XPR1: variants seen among roughly 807,000 people sequenced by gnomAD.
The protein encoded by XPR1 is solute carrier family 53 member 1.
XPR1 carries 28 observed loss-of-function variants against 87.5 expected under a neutral mutation model. That is an observed-to-expected ratio of 0.32 (90% CI 0.24 to 0.44). XPR1 has a LOEUF of 0.44. Among genes scored for constraint, XPR1 ranks in the 20% least tolerant of loss-of-function variants. The pLI, the probability that XPR1 is intolerant of heterozygous loss-of-function variation, is 1.00. For missense variants in XPR1, 559 were observed against 862.3 expected (o/e 0.65, Z 4.41); for synonymous variants, 300 against 306.1 (o/e 0.98, Z 0.21).
intron 12 of XPR1, among the ~76,000 whole-genome samples, chr1:180,866,530 C>T (rs1019544692): frequency 7.0e-5 from 9 of 127,904 alleles, no homozygotes; most frequent in Admixed American, 1.5e-4. Context: ...ACACCAGTTT[C>T]CACATTGGTC....
chr1:180,859,971 G>T (rs916641567), intron 11 of XPR1, among the ~76,000 whole-genome samples: 5 of 151,912 alleles, frequency 3.3e-5, no homozygotes, highest in African/African-American at 1.2e-4. Flanking sequence ...AAGAGAACTG[G>T]AATACAGAAT....
intron 11 of XPR1, among the ~76,000 whole-genome samples, chr1:180,851,911 G>C (rs7548808): frequency 1 from 151,265 of 151,958 alleles, 75,297 homozygotes; most frequent in Middle Eastern, 1. Context: ...GTTTAATAAT[G>C]AAATTACTTT....
At chr1:180,726,436 T>C (rs1337415417) in intron 2 of XPR1, among the ~76,000 whole-genome samples, 1 of 152,166 alleles carries the variant, frequency 6.6e-6, no homozygotes, top group Non-Finnish European at 1.5e-5. Flanking sequence ...ACTTCGAAGG[T>C]CTGCGGCTTC....
chr1:180,825,545 T>C (rs945656533), intron 9 of XPR1, among the ~76,000 whole-genome samples: 2 of 152,330 alleles, frequency 1.3e-5, no homozygotes, highest in East Asian at 3.9e-4. Flanking sequence ...AATATTGAGA[T>C]GATTTTGTAA....
At chr1:180,746,261 C>G (rs1647243879) in intron 2 of XPR1, among the ~76,000 whole-genome samples, 1 of 152,052 alleles carries the variant, frequency 6.6e-6, no homozygotes, top group South Asian at 2.1e-4. Context: ...TATTTTATCC[C>G]TCACCTCCCC....
intron 2 of XPR1, among the ~76,000 whole-genome samples, chr1:180,732,125 G>A (rs186297350): frequency 1.7e-4 from 26 of 151,460 alleles, no homozygotes; most frequent in African/African-American, 1.9e-4. Flanking sequence ...CTCTGGAGGC[G>A]GAGGTTGCAG....
intron 1 of XPR1, among the ~76,000 whole-genome samples, chr1:180,636,100 G>C (rs994807171): frequency 1.3e-5 from 2 of 152,172 alleles, no homozygotes; most frequent in African/African-American, 4.8e-5. Flanking sequence ...GGTTCTGCAT[G>C]AACTACACTT....
intron 2 of XPR1, among the ~76,000 whole-genome samples, chr1:180,778,626 A>G (rs1170951087): frequency 6.6e-6 from 1 of 152,128 alleles, no homozygotes; most frequent in African/African-American, 2.4e-5. Flanking sequence ...GTGGTTGTCC[A>G]GCTGTGACAA....
At chr1:180,788,335 G>A (rs1571839021) in intron 3 of XPR1, among the ~76,000 whole-genome samples, 1 of 152,160 alleles carries the variant, frequency 6.6e-6, no homozygotes, top group Non-Finnish European at 1.5e-5. Flanking sequence ...ATATATTTAT[G>A]TCTGACTCTT....
At chr1:180,875,861 A>G (rs890310810) in intron 13 of XPR1, among the ~76,000 whole-genome samples, 1 of 152,172 alleles carries the variant, frequency 6.6e-6, no homozygotes, top group Non-Finnish European at 1.5e-5. Flanking sequence ...CAAATTATGA[A>G]TATCAAAAAA....
At chr1:180,744,027 A>G (rs1659003121) in intron 2 of XPR1, among the ~76,000 whole-genome samples, 1 of 152,136 alleles carries the variant, frequency 6.6e-6, no homozygotes. Context: ...CAAATTTGGG[A>G]TGTTTTTAAC....
chr1:180,750,854 G>A (rs1238375023), intron 2 of XPR1, among the ~76,000 whole-genome samples: 1 of 151,942 alleles, frequency 6.6e-6, no homozygotes, highest in Non-Finnish European at 1.5e-5. Flanking sequence ...ACATTGTTGA[G>A]TATTCAACAA....
rs1211381042 is a variant in XPR1, at chr1:180,728,115, C to A, written c.121+45704C>A. On this transcript the variant is annotated intron_variant, in intron 2 of 14. Coordinates refer to ENST00000367590, the MANE Select transcript of XPR1 (RefSeq NM_004736.4). ...GCTCTGGTTCACACGCCTCTGATATCACCAGTCTTTCTGTAAAGCAAAAGG... is the reference window on the plus strand; with the variant it reads ...GCTCTGGTTCACACGCCTCTGATATAACCAGTCTTTCTGTAAAGCAAAAGG... Among the ~76,000 whole-genome samples the A allele has an allele frequency of 2.0e-5, 3 of 152,114 alleles. No homozygotes were observed. In the East Asian group the frequency reaches 5.8e-4, roughly 29 times the overall value.
intron 1 of XPR1, among the ~76,000 whole-genome samples, chr1:180,651,380 C>T (rs77397435): frequency 7.2e-5 from 11 of 152,240 alleles, no homozygotes; most frequent in African/African-American, 2.4e-4. Context: ...GTGTGAGCCA[C>T]GCACCTCGCC....
In XPR1 at chr1:180,761,773, A is replaced by G. The variant is rs1235723787; in HGVS notation, c.122-25980A>G. Among the ~76,000 whole-genome samples, 10 of 152,298 alleles carry G rather than the reference A, an allele frequency of 6.6e-5. No homozygotes were observed. In the East Asian group the frequency reaches 1.9e-3, roughly 29 times the overall value. On this transcript the variant is annotated intron_variant, in intron 2 of 14. Coordinates refer to ENST00000367590, the MANE Select transcript of XPR1 (RefSeq NM_004736.4). ...TGACCCAGCCATCCCATTACTGGGTATATACCCAAAGGATTATAAATCATG... is the reference window on the plus strand; with the variant it reads ...TGACCCAGCCATCCCATTACTGGGTGTATACCCAAAGGATTATAAATCATG...
intron 7 of XPR1, among the ~76,000 whole-genome samples, chr1:180,815,498 A>G (rs1650375862): frequency 6.6e-6 from 1 of 152,202 alleles, no homozygotes; most frequent in African/African-American, 2.4e-5. Context: ...CAGTCGTAGT[A>G]TGCATGTACA....
chr1:180,866,724 A>G (rs931084289), intron 12 of XPR1, among the ~76,000 whole-genome samples: 1 of 152,182 alleles, frequency 6.6e-6, no homozygotes, highest in Admixed American at 6.5e-5. Context: ...CATTAAATTT[A>G]TCATAATCAT....
intron 7 of XPR1, among the ~76,000 whole-genome samples, chr1:180,821,006 CTT>C (rs67840913): frequency 1.2e-4 from 18 of 148,238 alleles, no homozygotes; most frequent in South Asian, 8.5e-4. Context: ...ATATTCCTCC[CTT>C]TTTTTTTTTA....
At chr1:180,789,395 T>G (rs1431546176) in intron 3 of XPR1, among the ~76,000 whole-genome samples, 1 of 152,084 alleles carries the variant, frequency 6.6e-6, no homozygotes, top group Non-Finnish European at 1.5e-5. Context: ...CACCCAGAAT[T>G]CCTCTCCTCT....
Sources: allele counts gnomAD v4.1 joint callset (sites outside exome capture counted in the v4.1 genomes callset), GRCh38; gene constraint gnomAD v4.1.1; transcripts MANE v1.5; gene names NCBI Gene and HGNC (gene_info 2026-07-23, HGNC 2026-07-21).